Variants in EP300 observed in about 807,000 individuals in gnomAD.
The protein encoded by EP300 is EP300 lysine acetyltransferase, also known as histone acetyltransferase p300.
In EP300, 31 loss-of-function variants were observed where a neutral mutation model predicts 264.0. That is an observed-to-expected ratio of 0.12 (90% CI 0.09 to 0.16). EP300 has a LOEUF of 0.16. Among genes scored for constraint, EP300 ranks in the 10% least tolerant of loss-of-function variants. The probability of loss-of-function intolerance (pLI) is 1.00; values close to 1 mark genes in which losing one functional copy is unlikely to be tolerated. For missense variants in EP300, 2,766 were observed against 3,052.9 expected (o/e 0.91, Z 2.21); for synonymous variants, 1,340 against 1,045.4 (o/e 1.28, Z -5.44).
Position 41,149,025 on chromosome 22 carries a change from T to G in EP300, c.2242-13T>G, listed in dbSNP as rs1022166025. ...GAAGCAGTTTGGTGATTTGTGTTTTTTTTTTTTTTCAGCCTATGGGCTATG... is the reference window on the plus strand; with the variant it reads ...GAAGCAGTTTGGTGATTTGTGTTTTGTTTTTTTTTCAGCCTATGGGCTATG... On this transcript the variant is annotated splice_polypyrimidine_tract_variant and intron_variant, in intron 12 of 30. Coordinates refer to ENST00000263253, the MANE Select transcript of EP300 (RefSeq NM_001429.4). 6.8e-6 allele frequency: 11 copies of G among 1,613,266 alleles called. No homozygotes were observed. The East Asian group carries it at 2.2e-4, about 33-fold the overall frequency.
chr22:41,163,173 C>G (rs546021760), intron 21 of EP300, among the ~76,000 whole-genome samples: 1 of 152,094 alleles, frequency 6.6e-6, no homozygotes, highest in African/African-American at 2.4e-5. Context: ...CGGTGGCTCA[C>G]GCCTGTAATC....
chr22:41,109,931 G>A (rs1328742380), intron 1 of EP300, among the ~76,000 whole-genome samples: 1 of 150,508 alleles, frequency 6.6e-6, no homozygotes, highest in African/African-American at 2.4e-5. Context: ...CTCCTGCCCC[G>A]GCCTCCTGAG....
intron 23 of EP300, among the ~76,000 whole-genome samples, chr22:41,167,630 A>ATG (rs2059145836): frequency 4.0e-5 from 3 of 75,466 alleles, no homozygotes; most frequent in African/African-American, 1.6e-4. Context: ...ATATATATAT[A>ATG]TATATAATGT....
intron 27 of EP300, 48 bp from the exon 28 acceptor site, chr22:41,172,451 C>A (rs374912676): frequency 2.7e-6 from 4 of 1,499,090 alleles, no homozygotes; most frequent in African/African-American, 2.7e-5. Flanking sequence ...ATAATCAATG[C>A]TTTAAAAGAA....
At chr22:41,145,106 A>G (rs888546620) in intron 10 of EP300, among the ~76,000 whole-genome samples, 1 of 152,124 alleles carries the variant, frequency 6.6e-6, no homozygotes, top group Middle Eastern at 3.2e-3. Flanking sequence ...ACCTATCCAT[A>G]TTGTTGACTT....
intron 13 of EP300, 149 bp downstream of exon 13, chr22:41,149,324 C>G: frequency 1.2e-6 from 1 of 867,826 alleles, no homozygotes. Context: ...GTATTCTGAA[C>G]ATGAAGAGAT....
rs1425303949 is a variant in EP300, at chr22:41,170,401, G to T, written c.4287-5G>T. ...CCTTAATGTTCTTTCTCTTTGTATT[G>T]TTAGTTACACAACAGGGCATATTTG... is the stretch of plus-strand genomic sequence containing the variant. On this transcript the variant is annotated splice_region_variant and splice_polypyrimidine_tract_variant and intron_variant, in intron 26 of 30. Transcript: ENST00000263253. 6.2e-7 allele frequency: 1 copy of T among 1,612,162 alleles called. No homozygotes were observed. The highest frequency in any genetic ancestry group is 1.1e-5 in the South Asian group (1 of 91,042).
intron 1 of EP300, among the ~76,000 whole-genome samples, chr22:41,095,016 C>G (rs1310419634): frequency 6.6e-6 from 1 of 151,922 alleles, no homozygotes; most frequent in South Asian, 2.1e-4. Context: ...GAGATTAATT[C>G]ATTCACTCAT....
At chr22:41,108,296 T>C (rs2058769906) in intron 1 of EP300, among the ~76,000 whole-genome samples, 1 of 148,358 alleles carries the variant, frequency 6.7e-6, no homozygotes, top group Admixed American at 6.8e-5. Context: ...TCGCCCAGTC[T>C]GGAGTGCAGT....
In EP300 at chr22:41,172,645, C is replaced by G. The variant is rs143885808; in HGVS notation, c.4599C>G (p.Thr1533=). ...AAGAGAGAAAACGAGAGGAAAACAC[C>G]AGCAATGAAAGCACAGATGTAAGGG... is the stretch of plus-strand genomic sequence containing the variant. ...EEEERKREEN[T]SNESTDVTKG... is the part of the protein sequence containing the mutation. Residue 1533 remains threonine, a synonymous_variant, in exon 28 of 31, where the codon ACC becomes ACG. Coordinates refer to ENST00000263253, the MANE Select transcript of EP300 (RefSeq NM_001429.4). The G allele has an allele frequency of 1.1e-4, 177 of 1,613,292 alleles. No individual in the cohort carries two copies. In the African/African-American group the frequency reaches 2.1e-3, roughly 19 times the overall value.
chr22:41,112,931 T>A (rs1426320375), intron 1 of EP300, among the ~76,000 whole-genome samples: 1 of 152,080 alleles, frequency 6.6e-6, no homozygotes, highest in Non-Finnish European at 1.5e-5. Flanking sequence ...CCTTCCCCCC[T>A]TTTTTGCTGG....
intron 12 of EP300, 151 bp from the exon 13 acceptor site, chr22:41,148,887 C>T: frequency 1.0e-6 from 1 of 954,828 alleles, no homozygotes; most frequent in Non-Finnish European, 1.6e-6. Context: ...CAACTTTCTT[C>T]CTTCTCCTCT....
rs1200223003 is a variant in EP300, at chr22:41,160,705, C to T, written c.3654C>T (p.Asp1218=). 1.2e-6 allele frequency: 2 copies of T among 1,614,022 alleles called. No individual in the cohort carries two copies. Among genetic ancestry groups the T allele is most frequent in the Non-Finnish European group, 1.7e-6 (2 of 1,179,942 alleles). ...GGGAGAGCGTTTCTTTGGGGGATGACCCTTCCCAGCCTCAAACGTAAGTAA... is the reference window on the plus strand; with the variant it reads ...GGGAGAGCGTTTCTTTGGGGGATGATCCTTCCCAGCCTCAAACGTAAGTAA... ...IQGESVSLGD[D]PSQPQTTINK... The change falls in exon 20 of 31, where the codon GAC becomes GAT. Residue 1218 remains aspartate (D), a synonymous_variant. Coordinates refer to ENST00000263253, the MANE Select transcript of EP300 (RefSeq NM_001429.4).
Position 41,169,281 on chromosome 22 carries a change from A to G in EP300, c.4173-222A>G, listed in dbSNP as rs5751058. The G allele has an allele frequency of 0.32, 188,219 of 588,318 alleles. 33,282 individuals are homozygous for G. Among genetic ancestry groups the G allele is most frequent in the East Asian group, 0.6 (20,755 of 34,836 alleles). The allele number at this position is 588,318 out of a possible 1,614,324, so 36.4% of individuals were successfully genotyped here. A position where few individuals can be genotyped will look rare whatever the true frequency, so the allele number is the denominator to read the frequency against. On this transcript the variant is annotated intron_variant, in intron 25 of 30. Transcript: ENST00000263253. ...AAATACTGATTGATGTGTATGTGCC[A>G]GGCACTGCTAGTTACTACAAATAGA... is the stretch of plus-strand genomic sequence containing the variant.
rs2145744967 is a variant in EP300, at chr22:41,155,130, AC to A, written c.3261+18del. On this transcript the variant is annotated intron_variant, in intron 17 of 30. Transcript: ENST00000263253. Reference sequence around the variant, plus strand: ...GGAATCCCTGTAAGTATTTGGTGGTACTTTTGATTTTATTTTTTAATTTGAT... The same window carrying A: ...GGAATCCCTGTAAGTATTTGGTGGTATTTTGATTTTATTTTTTAATTTGAT... The A allele has an allele frequency of 6.5e-7, 1 of 1,532,238 alleles. No homozygotes were observed. Among genetic ancestry groups the A allele is most frequent in the East Asian group, 2.2e-5 (1 of 44,518 alleles). The allele number at this position is 1,532,238 out of a possible 1,614,324, so 94.9% of individuals were successfully genotyped here.
At chr22:41,147,741 A>G (rs1195038446) in intron 11 of EP300, 96 bp from the exon 12 acceptor site, 1 of 984,172 alleles carries the variant, frequency 1.0e-6, no homozygotes, top group Non-Finnish European at 1.6e-6. Context: ...CCGTCTCAAA[A>G]AAAAAAAAAG....
chr22:41,160,790 T>G (rs2059103936), intron 20 of EP300, 68 bp downstream of exon 20: 2 of 1,419,794 alleles, frequency 1.4e-6, no homozygotes, highest in Non-Finnish European at 9.9e-7. Context: ...ACAGCTTATT[T>G]CTAAATGAAC....
Position 41,150,082 on chromosome 22 carries a change from C to A in EP300, c.2701C>A (p.Leu901Ile). The A allele has an allele frequency of 1.2e-6, 2 of 1,613,768 alleles. No individual in the cohort carries two copies. Among genetic ancestry groups the A allele is most frequent in the Non-Finnish European group, 1.7e-6 (2 of 1,180,028 alleles). ...TQLPQQVQPS[L>I]PAAPSADQPQ... ...ACTTCCCCAACAAGTGCAGCCTTCA[C>A]TTCCTGCTGCACCTTCTGCTGACCA... Residue 901 changes from leucine to isoleucine, a missense_variant, in exon 14 of 31, where the codon CTT becomes ATT. Leu to Ile is a conservative substitution (Grantham distance 5). Coordinates refer to ENST00000263253, the MANE Select transcript of EP300 (RefSeq NM_001429.4).
intron 23 of EP300, 26 bp from the exon 24 acceptor site, chr22:41,168,423 G>A: frequency 6.2e-7 from 1 of 1,613,974 alleles, no homozygotes; most frequent in South Asian, 1.1e-5. Context: ...TTGCACCTCA[G>A]TAACTTTTAA....
Sources: allele counts gnomAD v4.1 joint callset (sites outside exome capture counted in the v4.1 genomes callset), GRCh38; gene constraint gnomAD v4.1.1; transcripts MANE v1.5; gene names NCBI Gene and HGNC (gene_info 2026-07-23, HGNC 2026-07-21).